KCTD8: variants seen among roughly 807,000 people sequenced by gnomAD.
KCTD8 encodes potassium channel tetramerization domain containing 8, also known as BTB/POZ domain-containing protein KCTD8.
KCTD8 carries 27 observed loss-of-function variants against 31.5 expected under a neutral mutation model. The ratio of observed to expected loss-of-function variants is 0.86; its 90% confidence interval spans 0.63 to 1.18. The LOEUF (loss-of-function observed/expected upper bound fraction) is 1.18. KCTD8 is among the 50% of genes most tolerant of loss of function. The probability of loss-of-function intolerance (pLI) is 0.00; values close to 1 mark genes in which losing one functional copy is unlikely to be tolerated. For missense variants in KCTD8, 658 were observed against 647.7 expected (o/e 1.02, Z -0.17); for synonymous variants, 290 against 280.0 (o/e 1.04, Z -0.36).
At chr4:44,437,676 C>G (rs572575574) in intron 1 of KCTD8, among the ~76,000 whole-genome samples, 1 of 152,050 alleles carries the variant, frequency 6.6e-6, no homozygotes, top group Non-Finnish European at 1.5e-5. Flanking sequence ...AGGACAAATA[C>G]TCTATTTTTA....
rs200082577 is a variant in KCTD8, at chr4:44,183,664, TG to T, written c.962-8415del. Among the ~76,000 whole-genome samples, 12 of 152,264 alleles carry T rather than the reference TG, an allele frequency of 7.9e-5. No individual in the cohort carries two copies. The East Asian group carries it at 2.3e-3, about 29-fold the overall frequency. On this transcript the variant is annotated intron_variant, in intron 1 of 1. Transcript: ENST00000360029. ...CATGATTTCTGGGTAGTTCTAGGTG[TG>T]GGGATGTTTTTAAGAGTATTTCTAT...
At chr4:44,270,460 GC>G (rs2109371871) in intron 1 of KCTD8, among the ~76,000 whole-genome samples, 1 of 151,608 alleles carries the variant, frequency 6.6e-6, no homozygotes, top group Non-Finnish European at 1.5e-5. Flanking sequence ...GTTAATGGGT[GC>G]AGCACACCAG....
intron 1 of KCTD8, among the ~76,000 whole-genome samples, chr4:44,202,379 G>A (rs1196692132): frequency 6.6e-6 from 1 of 152,102 alleles, no homozygotes; most frequent in African/African-American, 2.4e-5. Flanking sequence ...AATCAACTTA[G>A]GTGCCCATCA....
intron 1 of KCTD8, among the ~76,000 whole-genome samples, chr4:44,270,323 T>C (rs1453576050): frequency 7.1e-6 from 1 of 140,058 alleles, no homozygotes; most frequent in Admixed American, 8.3e-5. Context: ...TTCTCACTCA[T>C]AGATGGGAAT....
At chr4:44,264,351 T>C (rs369574260) in intron 1 of KCTD8, among the ~76,000 whole-genome samples, 45 of 152,214 alleles carry the variant, frequency 3.0e-4, no homozygotes, top group Admixed American at 1.1e-3. Flanking sequence ...AATCACTTAA[T>C]AGAGCAACTA....
chr4:44,426,000 G>A (rs1024728728), intron 1 of KCTD8, among the ~76,000 whole-genome samples: 2 of 151,002 alleles, frequency 1.3e-5, no homozygotes, highest in South Asian at 2.1e-4. Flanking sequence ...AAAAATTAGC[G>A]ATAAATAACA....
At chr4:44,283,828 C>A (rs1180243984) in intron 1 of KCTD8, among the ~76,000 whole-genome samples, 1 of 152,082 alleles carries the variant, frequency 6.6e-6, no homozygotes, top group Non-Finnish European at 1.5e-5. Context: ...TCCTGTACAT[C>A]AATAACAGAC....
chr4:44,396,538 A>G (rs1346385673), intron 1 of KCTD8, among the ~76,000 whole-genome samples: 1 of 152,152 alleles, frequency 6.6e-6, no homozygotes, highest in Non-Finnish European at 1.5e-5. Context: ...AAAACTTTAA[A>G]ACAACTTCAA....
At chr4:44,426,555 G>T (rs1721352547) in intron 1 of KCTD8, among the ~76,000 whole-genome samples, 1 of 151,634 alleles carries the variant, frequency 6.6e-6, no homozygotes, top group African/African-American at 2.4e-5. Context: ...AGATTAAAAT[G>T]ATAAAACAAT....
chr4:44,229,686 G>A (rs1471972903), intron 1 of KCTD8, among the ~76,000 whole-genome samples: 1 of 151,462 alleles, frequency 6.6e-6, no homozygotes, highest in Non-Finnish European at 1.5e-5. Flanking sequence ...CTGTTCTCTT[G>A]TTCTAAAGCC....
In KCTD8 at chr4:44,394,682, A is replaced by C. The variant is rs1720452578; in HGVS notation, c.961+52881T>G. ...AATTTTGCTATGTCGTATGTGCTAT[A>C]AGACAGGTGAAGCATTACATCTAGG... is the stretch of plus-strand genomic sequence containing the variant. On this transcript the variant is annotated intron_variant, in intron 1 of 1. Coordinates refer to ENST00000360029, the MANE Select transcript of KCTD8 (RefSeq NM_198353.3). Among the ~76,000 whole-genome samples the C allele has an allele frequency of 3.3e-5, 5 of 152,206 alleles. No homozygotes were observed. The South Asian group carries it at 8.3e-4, about 25-fold the overall frequency.
At chr4:44,234,461 T>A (rs1715215072) in intron 1 of KCTD8, among the ~76,000 whole-genome samples, 1 of 152,098 alleles carries the variant, frequency 6.6e-6, no homozygotes, top group African/African-American at 2.4e-5. Flanking sequence ...TCAAAAGAGA[T>A]AGTTGAAGAA....
At chr4:44,398,323 T>C (rs1720561920) in intron 1 of KCTD8, among the ~76,000 whole-genome samples, 2 of 152,222 alleles carry the variant, frequency 1.3e-5, no homozygotes, top group African/African-American at 4.8e-5. Context: ...GTGTCCTCTT[T>C]AACCCTTGCT....
intron 1 of KCTD8, among the ~76,000 whole-genome samples, chr4:44,372,824 C>G (rs1719825007): frequency 6.6e-6 from 1 of 152,148 alleles, no homozygotes; most frequent in African/African-American, 2.4e-5. Flanking sequence ...GACACGATTA[C>G]AAGTTGCATG....
At chr4:44,416,512 T>C (rs1577663040) in intron 1 of KCTD8, among the ~76,000 whole-genome samples, 1 of 152,286 alleles carries the variant, frequency 6.6e-6, no homozygotes, top group East Asian at 1.9e-4. Flanking sequence ...AGGCGGGACC[T>C]AGTGGTAGGT....
intron 1 of KCTD8, among the ~76,000 whole-genome samples, chr4:44,340,977 G>A (rs1236282307): frequency 6.6e-6 from 1 of 151,864 alleles, no homozygotes; most frequent in African/African-American, 2.4e-5. Context: ...TTTACTGACT[G>A]TAAACAATAC....
intron 1 of KCTD8, among the ~76,000 whole-genome samples, chr4:44,330,270 T>C (rs768124782): frequency 5.3e-5 from 8 of 151,920 alleles, no homozygotes; most frequent in Non-Finnish European, 1.2e-4. Flanking sequence ...TAATGAAAAT[T>C]ATACCTGCAT....
At chr4:44,365,670 G>A (rs571755078) in intron 1 of KCTD8, among the ~76,000 whole-genome samples, 44 of 152,158 alleles carry the variant, frequency 2.9e-4, no homozygotes, top group Admixed American at 1.2e-3. Flanking sequence ...TCACCCAAAC[G>A]GATAAAGATT....
intron 1 of KCTD8, among the ~76,000 whole-genome samples, chr4:44,298,612 C>T (rs1252835022): frequency 6.6e-6 from 1 of 152,098 alleles, no homozygotes; most frequent in Non-Finnish European, 1.5e-5. Flanking sequence ...GGAGAAGGTC[C>T]CTAAAACTTG....
Sources: allele counts gnomAD v4.1 joint callset (sites outside exome capture counted in the v4.1 genomes callset), GRCh38; gene constraint gnomAD v4.1.1; transcripts MANE v1.5; gene names NCBI Gene and HGNC (gene_info 2026-07-23, HGNC 2026-07-21).